MGAT4A: variants seen among roughly 807,000 people sequenced by gnomAD.
MGAT4A encodes N-acetylglucosaminyltransferase IVa.
In MGAT4A, 33 loss-of-function variants were observed where a neutral mutation model predicts 74.1. The ratio of observed to expected loss-of-function variants is 0.45; its 90% CI spans 0.34 to 0.60. The LOEUF is 0.60. MGAT4A is among the 20% of genes least tolerant of loss of function. The pLI is 0.02. For synonymous variants in MGAT4A, 198 were observed against 210.4 expected, an observed-to-expected ratio of 0.94 and a Z score of 0.51; for missense variants, 479 against 628.3, an observed-to-expected ratio of 0.76 and a Z score of 2.54.
At position 98,726,223 on chromosome 2, in the gene MGAT4A, G is replaced by A. The variant is rs558020708; in HGVS notation, c.94+16C>T. ...CTAGTACATTTCATGCACATTTTCCGAGTCATTTTCCTTACCTTTCCCATT... is the reference window on the plus strand; with the variant it reads ...CTAGTACATTTCATGCACATTTTCCAAGTCATTTTCCTTACCTTTCCCATT... On this transcript the variant is annotated intron_variant, in intron 2 of 15. Coordinates refer to ENST00000393487, the MANE Select transcript of MGAT4A (RefSeq NM_012214.3). The A allele has an allele frequency of 1.1e-5, 18 of 1,603,680 alleles. No homozygotes were observed. The highest frequency in any genetic ancestry group is 3.3e-4 in the Middle Eastern group (2 of 6,062).
chr2:98,702,317 G>A (rs1232453923), intron 2 of MGAT4A, among the ~76,000 whole-genome samples: 1 of 152,226 alleles, frequency 6.6e-6, no homozygotes, highest in Non-Finnish European at 1.5e-5. Flanking sequence ...AAGCCCAGAG[G>A]CAGGCAAGCA....
At position 98,644,131 on chromosome 2, in the gene MGAT4A, C is replaced by T. The variant is rs1023086601; in HGVS notation, c.890-78G>A. ...TGGCTTACATTCATGAAATCTTGCC[C>T]ACGACATACACTGAGGCTTGCGCTT... is the stretch of plus-strand genomic sequence containing the variant. On this transcript the variant is annotated intron_variant, in intron 9 of 15. Coordinates refer to ENST00000393487, the MANE Select transcript of MGAT4A (RefSeq NM_012214.3). The T allele has an allele frequency of 1.3e-5, 17 of 1,330,254 alleles. No homozygotes were observed. In the Admixed American group the frequency reaches 3.8e-4, roughly 30 times the overall value. The allele number at this position is 1,330,254 out of a possible 1,614,324, so 82.4% of individuals were successfully genotyped here.
chr2:98,640,405 T>C (rs1269712143), intron 10 of MGAT4A, among the ~76,000 whole-genome samples, 177 bp from the exon 11 acceptor site: 1 of 151,648 alleles, frequency 6.6e-6, no homozygotes, highest in Admixed American at 6.6e-5. Context: ...AGGTCAGGAG[T>C]TTGAGACCAG....
chr2:98,662,598 CT>C (rs202015673), intron 5 of MGAT4A, among the ~76,000 whole-genome samples: 2,472 of 152,242 alleles, frequency 0.016, 59 homozygotes, highest in African/African-American at 0.057. Context: ...AAGATTTATT[CT>C]TTCTCTAAAT....
intron 14 of MGAT4A, among the ~76,000 whole-genome samples, chr2:98,628,550 G>A (rs1701179587): frequency 6.6e-6 from 1 of 152,194 alleles, no homozygotes; most frequent in South Asian, 2.1e-4. Flanking sequence ...ATTCTGCTGT[G>A]ATGAGATATT....
chr2:98,664,149 T>C (rs1701791938), intron 4 of MGAT4A, among the ~76,000 whole-genome samples: 1 of 128,610 alleles, frequency 7.8e-6, no homozygotes, highest in Non-Finnish European at 1.5e-5. Context: ...TGCAGTGAGC[T>C]GAGATTGTGC....
chr2:98,673,552 T>A (rs1433500626), intron 4 of MGAT4A, among the ~76,000 whole-genome samples: 1 of 152,150 alleles, frequency 6.6e-6, no homozygotes, highest in Non-Finnish European at 1.5e-5. Context: ...TCAAAAATAG[T>A]AGCAGCTTTA....
At position 98,639,949 on chromosome 2, in the gene MGAT4A, G is replaced by A. The variant is rs762564480; in HGVS notation, c.1181C>T (p.Ala394Val). 4.1e-5 allele frequency: 66 copies of A among 1,613,894 alleles called. No individual in the cohort carries two copies. The highest frequency in any genetic ancestry group is 5.2e-5 in the Non-Finnish European group (61 of 1,179,984). Residue 394 changes from alanine to valine, a missense_variant, in exon 12 of 16, where the codon GCG becomes GTG. This residue lies in a region of MGAT4A where 236 missense variants were observed against 308.2 expected (regional missense o/e 0.77). Coordinates refer to ENST00000393487, the MANE Select transcript of MGAT4A (RefSeq NM_012214.3). ...GACCTTCAAGGAAGTAGATACCTCC[G>A]CAGGTGGGTTTACATGGATTTTAAG... is the stretch of plus-strand genomic sequence containing the variant. Reference protein sequence around the residue: ...LLLKIHVNPPAEVSTSLKVYQ... With the variant: ...LLLKIHVNPPVEVSTSLKVYQ...
chr2:98,712,264 A>C (rs1273406331), intron 2 of MGAT4A, among the ~76,000 whole-genome samples: 2 of 152,190 alleles, frequency 1.3e-5, no homozygotes, highest in Non-Finnish European at 2.9e-5. Flanking sequence ...TCTTGTGAGA[A>C]TCCTTTCCAG....
At chr2:98,699,592 T>A (rs932029682) in intron 2 of MGAT4A, among the ~76,000 whole-genome samples, 1 of 152,198 alleles carries the variant, frequency 6.6e-6, no homozygotes, top group Non-Finnish European at 1.5e-5. Context: ...TAAAAAAATG[T>A]ATTTAAAAAT....
chr2:98,662,574 A>G (rs1701767760), intron 5 of MGAT4A, among the ~76,000 whole-genome samples: 1 of 151,300 alleles, frequency 6.6e-6, no homozygotes, highest in Non-Finnish European at 1.5e-5. Flanking sequence ...TCATGATTTA[A>G]AAAGAACTTG....
chr2:98,689,731 G>A (rs1553538899), intron 2 of MGAT4A, among the ~76,000 whole-genome samples: 1 of 152,180 alleles, frequency 6.6e-6, no homozygotes, highest in Non-Finnish European at 1.5e-5. Flanking sequence ...GCTGAGGTGG[G>A]AGGATGGCTT....
intron 2 of MGAT4A, among the ~76,000 whole-genome samples, chr2:98,710,561 G>A (rs895590988): frequency 6.6e-6 from 1 of 152,138 alleles, no homozygotes; most frequent in African/African-American, 2.4e-5. Context: ...CCCAGTTCAA[G>A]TGATTCTCCT....
intron 14 of MGAT4A, among the ~76,000 whole-genome samples, chr2:98,631,600 C>T (rs928257461): frequency 3.3e-5 from 5 of 152,212 alleles, no homozygotes; most frequent in African/African-American, 7.2e-5. Context: ...GGCAGGCCAT[C>T]GATGGGCGGA....
intron 12 of MGAT4A, among the ~76,000 whole-genome samples, chr2:98,639,085 G>A (rs544759110): frequency 6.0e-4 from 92 of 152,282 alleles, no homozygotes; most frequent in Non-Finnish European, 1.1e-3. Context: ...AGGAGTTTGA[G>A]ACCAGCCTGG....
intron 2 of MGAT4A, among the ~76,000 whole-genome samples, chr2:98,725,503 T>C (rs1702749139): frequency 6.6e-6 from 1 of 151,958 alleles, no homozygotes; most frequent in Non-Finnish European, 1.5e-5. Flanking sequence ...AAACCAAATA[T>C]GCAACCACCT....
At position 98,686,399 on chromosome 2, in the gene MGAT4A, T is replaced by C. The variant is rs866090032; in HGVS notation, c.95-7928A>G. 5.3e-5 allele frequency among the ~76,000 whole-genome samples: 8 copies of C among 152,328 alleles called. No homozygotes were observed. The Middle Eastern group carries it at 0.01, about 194-fold the overall frequency. On this transcript the variant is annotated intron_variant, in intron 2 of 15. Transcript: ENST00000393487. ...ACTATTTCTCTAAGCTGTCGGCTAA[T>C]ATAATCATTAACAGTGTCATTCAAA...
At chr2:98,626,554 C>G (rs1275013661) in intron 14 of MGAT4A, among the ~76,000 whole-genome samples, 1 of 152,022 alleles carries the variant, frequency 6.6e-6, no homozygotes, top group Non-Finnish European at 1.5e-5. Context: ...GGTTGGTAAA[C>G]TTTTTCTATA....
In MGAT4A at chr2:98,639,376, G is replaced by A. The variant is rs11892907; in HGVS notation, c.1322+432C>T. ...GCTGTAAATTTCTCCCTGGTGTACC[G>A]AAAATAACCTAGCATTTGTAAAACT... On this transcript the variant is annotated intron_variant, in intron 12 of 15. Transcript: ENST00000393487. 5.8e-3 allele frequency among the ~76,000 whole-genome samples: 876 copies of A among 151,956 alleles called. 11 individuals carry two copies. The highest frequency in any genetic ancestry group is 0.02 in the African/African-American group (816 of 41,420).
Sources: gnomAD v4.1 joint callset for allele counts (sites outside exome capture counted in the v4.1 genomes callset) on GRCh38, gnomAD v4.1.1 for gene constraint, gnomAD v4.1.1 regional missense constraint, MANE v1.5 for transcripts, NCBI Gene and HGNC (gene_info 2026-07-23, HGNC 2026-07-21) for gene names.